KDM2B: variants seen among roughly 807,000 people sequenced by gnomAD.
The protein encoded by KDM2B is lysine demethylase 2B.
A neutral mutation model predicts 150.0 loss-of-function variants in KDM2B; 26 were observed. The ratio of observed to expected loss-of-function variants is 0.17; its 90% CI spans 0.13 to 0.24. KDM2B has a LOEUF of 0.24. Among genes scored for constraint, KDM2B ranks in the 10% least tolerant of loss-of-function variants. KDM2B has a pLI of 1.00. For missense variants in KDM2B, 1,265 were observed against 1,816.9 expected (o/e 0.70, Z 5.52); for synonymous variants, 734 against 729.5 (o/e 1.01, Z -0.10).
chr12:121,495,941 G>A (rs1406671630), intron 11 of KDM2B, among the ~76,000 whole-genome samples: 1 of 151,988 alleles, frequency 6.6e-6, no homozygotes, highest in Non-Finnish European at 1.5e-5. Flanking sequence ...GGCACACTGT[G>A]TTCACTCTCG....
At chr12:121,431,262 G>A (rs1872950196) in intron 22 of KDM2B, among the ~76,000 whole-genome samples, 1 of 147,950 alleles carries the variant, frequency 6.8e-6, no homozygotes, top group African/African-American at 2.5e-5. Context: ...CTCCTGAGTA[G>A]CTGGAATTAT....
chr12:121,426,441 C>A (rs1872515361), downstream of KDM2B, among the ~76,000 whole-genome samples: 1 of 135,918 alleles, frequency 7.4e-6, no homozygotes, highest in African/African-American at 3.1e-5. Flanking sequence ...CCTTTCTACC[C>A]CCTCCCCCCC....
chr12:121,524,296 G>C (rs1294198216), intron 8 of KDM2B, among the ~76,000 whole-genome samples: 2 of 152,154 alleles, frequency 1.3e-5, no homozygotes, highest in Non-Finnish European at 2.9e-5. Context: ...CGATCACAAG[G>C]GCTCTGGTAG....
intron 14 of KDM2B, 56 bp from the exon 15 acceptor site, chr12:121,444,592 C>G: frequency 6.9e-7 from 1 of 1,456,022 alleles, no homozygotes; most frequent in Non-Finnish European, 9.6e-7. Flanking sequence ...GGCCCACGGG[C>G]ACAAGGCTCT....
intron 2 of KDM2B, among the ~76,000 whole-genome samples, chr12:121,577,772 AG>A (rs1330223293): frequency 2.0e-5 from 3 of 152,152 alleles, no homozygotes; most frequent in African/African-American, 7.2e-5. Context: ...GGGCCTGGGA[AG>A]GCTAGGTAGG....
At chr12:121,568,447 C>A (rs577000569) in intron 4 of KDM2B, among the ~76,000 whole-genome samples, 5 of 152,020 alleles carry the variant, frequency 3.3e-5, no homozygotes, top group East Asian at 1.9e-4. Context: ...GCAACAAGAG[C>A]GAAACTCCAT....
intron 12 of KDM2B, among the ~76,000 whole-genome samples, chr12:121,475,465 C>T (rs1178159357): frequency 6.6e-6 from 1 of 151,160 alleles, no homozygotes; most frequent in Admixed American, 6.6e-5. Flanking sequence ...AGGTGGCATG[C>T]ACTTTTAAGT....
intron 11 of KDM2B, among the ~76,000 whole-genome samples, chr12:121,495,702 T>A (rs997166683): frequency 2.0e-5 from 3 of 152,054 alleles, no homozygotes; most frequent in Non-Finnish European, 4.4e-5. Flanking sequence ...AAAACCAACC[T>A]CCAGACCTTG....
intron 22 of KDM2B, among the ~76,000 whole-genome samples, chr12:121,436,760 T>C (rs1303106146): frequency 1.3e-5 from 2 of 152,162 alleles, no homozygotes; most frequent in Non-Finnish European, 1.5e-5. Flanking sequence ...GACTCAAACC[T>C]GTTTGTCATC....
chr12:121,442,883 C>T lies in KDM2B; in HGVS notation c.2605-47G>A, dbSNP rs781953728. 89 of 1,538,380 alleles carry T rather than the reference C, an allele frequency of 5.8e-5. No individual in the cohort carries two copies. Among genetic ancestry groups the T allele is most frequent in the Non-Finnish European group, 7.2e-5 (83 of 1,146,294 alleles). On this transcript the variant is annotated intron_variant, in intron 18 of 22. Coordinates refer to ENST00000377071, the MANE Select transcript of KDM2B (RefSeq NM_032590.5). The surrounding 1 kb of genome is among the most constrained non-coding windows in gnomAD (Gnocchi z 7.7). Reference sequence around the variant, plus strand: ...CGTCAGCCTCTGGGGCTCAGGGCTGCGCCCGCCCAAGGCCTCCCGCCCCCC... The same window carrying T: ...CGTCAGCCTCTGGGGCTCAGGGCTGTGCCCGCCCAAGGCCTCCCGCCCCCC...
chr12:121,573,303 G>A (rs1891254558), intron 4 of KDM2B, among the ~76,000 whole-genome samples: 1 of 146,470 alleles, frequency 6.8e-6, no homozygotes, highest in South Asian at 2.1e-4. Context: ...TTTTTTTTGA[G>A]ACAGAGTCTT....
In KDM2B at chr12:121,509,630, C is replaced by T. The variant is rs782245530; in HGVS notation, c.1584G>A (p.Pro528=). The change falls in exon 11 of 23, where the codon CCG becomes CCA. Residue 528 remains proline (P), a synonymous_variant. Transcript: ENST00000377071. ...KALVEKLESL[P]ENKKCVPEGI... ...CCTCGGGGACACACTTCTTGTTCTC[C>T]GGGAGGGATTCCAGTTTCTCCACCA... 1.3e-5 allele frequency: 21 copies of T among 1,613,918 alleles called. No homozygotes were observed. The highest frequency in any genetic ancestry group is 1.7e-4 in the Middle Eastern group (1 of 6,058).
chr12:121,554,410 T>G (rs185815176), intron 4 of KDM2B, among the ~76,000 whole-genome samples: 67 of 151,506 alleles, frequency 4.4e-4, no homozygotes, highest in Non-Finnish European at 1.5e-5. Context: ...TAACATACTT[T>G]TTTTTTTTTT....
Position 121,533,041 on chromosome 12 carries a change from G to T in KDM2B, c.778-82C>A. 1.4e-6 allele frequency: 2 copies of T among 1,452,936 alleles called. No homozygotes were observed. The highest frequency in any genetic ancestry group is 1.2e-5 in the South Asian group (1 of 83,394). 90.0% of individuals were successfully genotyped at this position (1,452,936 alleles called of 1,614,324 possible). ...AGAGGGCCCCACCTGCCTGGCGGAA[G>T]GGGAGGGGGCGAGACAAGCTGTGTG... On this transcript the variant is annotated intron_variant, in intron 7 of 22. Coordinates refer to ENST00000377071, the MANE Select transcript of KDM2B (RefSeq NM_032590.5). The surrounding 1 kb of genome is among the most constrained non-coding windows in gnomAD (Gnocchi z 4.1).
At chr12:121,450,733 A>G (rs113316844) in intron 13 of KDM2B, among the ~76,000 whole-genome samples, 1 of 152,144 alleles carries the variant, frequency 6.6e-6, no homozygotes, top group African/African-American at 2.4e-5. Context: ...GGTGGCGGGC[A>G]CTGGTAGTCC....
intron 6 of KDM2B, among the ~76,000 whole-genome samples, chr12:121,541,897 C>A (rs1228007063): frequency 6.6e-6 from 1 of 152,046 alleles, no homozygotes; most frequent in African/African-American, 2.4e-5. Context: ...CAGAACCCAG[C>A]GGTGCTAAGT....
At chr12:121,487,665 A>G (rs7307400) in intron 12 of KDM2B, among the ~76,000 whole-genome samples, 34,220 of 152,034 alleles carry the variant, frequency 0.23, 7,028 homozygotes, top group African/African-American at 0.55. Flanking sequence ...CTGACCCAGT[A>G]GAGAACCCCA....
intron 12 of KDM2B, among the ~76,000 whole-genome samples, chr12:121,482,374 C>T (rs1442805813): frequency 6.6e-6 from 1 of 152,096 alleles, no homozygotes; most frequent in African/African-American, 2.4e-5. Context: ...GCTATCTTGG[C>T]TCACTGCAAC....
chr12:121,481,047 C>A (rs559992036), intron 12 of KDM2B, among the ~76,000 whole-genome samples: 12 of 151,774 alleles, frequency 7.9e-5, no homozygotes, highest in Non-Finnish European at 4.4e-5. Context: ...CCTGCCTCAG[C>A]TTCCCAAGTA....
Sources: gnomAD v4.1 joint callset for allele counts (sites outside exome capture counted in the v4.1 genomes callset) on GRCh38, gnomAD v4.1.1 for gene constraint, Gnocchi (gnomAD v3.1) non-coding constraint, MANE v1.5 for transcripts, NCBI Gene and HGNC (gene_info 2026-07-23, HGNC 2026-07-21) for gene names.